The following UNC79 variants were observed in gnomAD, a reference collection of about 807,000 sequenced individuals.
UNC79 encodes unc-79 subunit of NALCN channel complex.
A neutral mutation model predicts 283.1 loss-of-function variants in UNC79; 37 were observed. That is an observed-to-expected ratio of 0.13 (90% CI 0.10 to 0.17). UNC79 has a LOEUF of 0.17. Ranked by LOEUF, UNC79 falls within the 10% of genes least tolerant of loss-of-function variation. The pLI is 1.00. For synonymous variants in UNC79, 1,107 were observed against 1,200.2 expected (o/e 0.92, Z 1.61); for missense variants, 2,272 against 3,211.1 (o/e 0.71, Z 7.07).
rs2058625353 is a variant in UNC79, at chr14:93,489,642, G to T, written c.712+1887G>T. Among the ~76,000 whole-genome samples the T allele has an allele frequency of 3.9e-5, 6 of 152,238 alleles. No individual in the cohort carries two copies. The South Asian group carries it at 1.2e-3, about 32-fold the overall frequency. ...TTTGACTTGATGCTCCACCTTCCAG[G>T]CCCACTGGGGTGGAGGTCCCACCTT... On this transcript the variant is annotated intron_variant, in intron 5 of 48. Transcript: ENST00000555664.
chr14:93,695,066 G>C (rs1426021719), intron 47 of UNC79, among the ~76,000 whole-genome samples: 1 of 152,142 alleles, frequency 6.6e-6, no homozygotes, highest in African/African-American at 2.4e-5. Context: ...CGAAACAGTA[G>C]AGAACTTGGT....
chr14:93,436,682 G>A (rs2056094774), intron 1 of UNC79, among the ~76,000 whole-genome samples: 1 of 152,084 alleles, frequency 6.6e-6, no homozygotes, highest in South Asian at 2.1e-4. Flanking sequence ...TATATGGATA[G>A]CTCTGCATAA....
chr14:93,589,848 A>G (rs1437288913), intron 22 of UNC79, among the ~76,000 whole-genome samples: 1 of 152,160 alleles, frequency 6.6e-6, no homozygotes, highest in Non-Finnish European at 1.5e-5. Flanking sequence ...GGATCACTTA[A>G]GGCCAGGAGT....
exon 49 of UNC79, chr14:93,706,760 C>T: frequency 6.2e-7 from 1 of 1,614,252 alleles, no homozygotes; most frequent in Non-Finnish European, 8.5e-7. Context: ...ACGTGAACCA[C>T]CACAGCCTAA....
intron 30 of UNC79, among the ~76,000 whole-genome samples, chr14:93,625,830 C>T (rs1234591552): frequency 6.6e-6 from 1 of 152,206 alleles, no homozygotes; most frequent in Non-Finnish European, 1.5e-5. Context: ...CTACCAGTAC[C>T]TGCACCTATC....
intron 1 of UNC79, among the ~76,000 whole-genome samples, chr14:93,358,612 G>C (rs1194282561): frequency 6.6e-6 from 1 of 152,204 alleles, no homozygotes; most frequent in Non-Finnish European, 1.5e-5. Flanking sequence ...ATGGGGACAT[G>C]TGGGAGGACC....
At chr14:93,588,121 G>C (rs942512945) in intron 22 of UNC79, among the ~76,000 whole-genome samples, 1 of 152,112 alleles carries the variant, frequency 6.6e-6, no homozygotes, top group African/African-American at 2.4e-5. Context: ...GGATGTAAGG[G>C]AGTAATGGAA....
At chr14:93,583,815 T>TTC (rs1481227238) in intron 20 of UNC79, among the ~76,000 whole-genome samples, 5 of 150,848 alleles carry the variant, frequency 3.3e-5, no homozygotes, top group Admixed American at 1.3e-4. Flanking sequence ...TTTTTTTTTT[T>TTC]TTTTTTTAAG....
In UNC79 at chr14:93,622,704, C is replaced by A. The variant is rs746393075; in HGVS notation, c.5471C>A (p.Ala1824Asp). The stretch of plus-strand genomic sequence containing the variant: ...GAAAGGAAGGTGGAAGAGGATGGAG[C>A]TGAGGAATCCGAATTTAAGATTCAG... The change falls in exon 30 of 49, where the codon GCT becomes GAT. Residue 1824 changes from alanine to aspartate, a missense_variant. This residue lies in a region of UNC79 where 580 missense variants were observed against 632.2 expected (regional missense o/e 0.92). Transcript: ENST00000555664. 192 of 1,614,010 alleles carry A rather than the reference C, an allele frequency of 1.2e-4. No homozygotes were observed. The highest frequency in any genetic ancestry group is 1.6e-4 in the Non-Finnish European group (187 of 1,180,030).
intron 1 of UNC79, among the ~76,000 whole-genome samples, chr14:93,357,965 C>T (rs1171920462): frequency 1.0e-5 from 1 of 98,858 alleles, no homozygotes; most frequent in African/African-American, 4.9e-5. Flanking sequence ...CTATATATAT[C>T]CATATATATA....
intron 1 of UNC79, among the ~76,000 whole-genome samples, chr14:93,403,716 T>A (rs567370711): frequency 2.3e-4 from 35 of 151,768 alleles, no homozygotes; most frequent in South Asian, 8.4e-4. Context: ...ATTAAAAAAA[T>A]TTTTTTTTAT....
intron 1 of UNC79, among the ~76,000 whole-genome samples, chr14:93,392,362 A>G (rs1235420833): frequency 2.0e-5 from 3 of 152,250 alleles, no homozygotes; most frequent in Admixed American, 6.5e-5. Flanking sequence ...TTAATGTTAA[A>G]AAATAAGCAA....
intron 5 of UNC79, among the ~76,000 whole-genome samples, chr14:93,494,684 T>C (rs1307760126): frequency 6.6e-6 from 1 of 152,132 alleles, no homozygotes; most frequent in Non-Finnish European, 1.5e-5. Context: ...ATGAAAGAAA[T>C]GTGGAGTGGT....
At chr14:93,386,178 T>C (rs2054771284) in intron 1 of UNC79, among the ~76,000 whole-genome samples, 1 of 152,066 alleles carries the variant, frequency 6.6e-6, no homozygotes, top group Non-Finnish European at 1.5e-5. Context: ...TTTTTATAAC[T>C]AAGTGGTGTT....
intron 5 of UNC79, 100 bp downstream of exon 5, chr14:93,487,855 C>A: frequency 9.0e-7 from 1 of 1,107,664 alleles, no homozygotes; most frequent in Non-Finnish European, 1.3e-6. Flanking sequence ...ACGTCATCAT[C>A]ATAGAGATGT....
At chr14:93,523,883 C>A in intron 7 of UNC79, 95 bp from the exon 8 acceptor site, 2 of 1,312,272 alleles carry the variant, frequency 1.5e-6, no homozygotes, top group Non-Finnish European at 2.1e-6. Context: ...GATGATGGTT[C>A]TGTTTAGAAA....
At chr14:93,451,706 T>C (rs1479997793) in intron 1 of UNC79, among the ~76,000 whole-genome samples, 1 of 152,202 alleles carries the variant, frequency 6.6e-6, no homozygotes, top group Non-Finnish European at 1.5e-5. Context: ...TTTAGCACCC[T>C]CTTCTGCCCC....
At chr14:93,597,266 A>T in intron 23 of UNC79, 93 bp from the exon 24 acceptor site, 1 of 1,368,954 alleles carries the variant, frequency 7.3e-7, no homozygotes, top group Non-Finnish European at 1.0e-6. Context: ...TTTGTCTGTG[A>T]GTTCAGTTCT....
chr14:93,706,790 C>T, exon 49 of UNC79: 1 of 1,614,228 alleles, frequency 6.2e-7, no homozygotes, highest in Non-Finnish European at 8.5e-7. Flanking sequence ...CGGGCTCGGG[C>T]CAGAGCAGTG....
Sources: allele counts gnomAD v4.1 joint callset (sites outside exome capture counted in the v4.1 genomes callset), GRCh38; gene constraint gnomAD v4.1.1; regional missense constraint gnomAD v4.1.1; transcripts MANE v1.5; gene names NCBI Gene and HGNC (gene_info 2026-07-23, HGNC 2026-07-21).